LAMA1: variants seen among roughly 807,000 people sequenced by gnomAD.
LAMA1 encodes the protein laminin subunit alpha-1.
Under a neutral mutation model 348.7 loss-of-function variants are expected in LAMA1, and 219 were observed. The ratio of observed to expected loss-of-function variants is 0.63; its 90% CI spans 0.56 to 0.70. The LOEUF is 0.70. Ranked by LOEUF, LAMA1 falls within the 30% of genes least tolerant of loss-of-function variation. The pLI is 0.00. For missense variants in LAMA1, 3,744 were observed against 3,888.0 expected (o/e 0.96, Z 0.99); for synonymous variants, 1,487 against 1,491.0 (o/e 1.00, Z 0.06).
rs879338127 is a variant in LAMA1 at position 7,117,785 on chromosome 18, G to T, written c.-65C>A. 6 of 1,431,984 alleles carry T rather than the reference G, an allele frequency of 4.2e-6. No individual in the cohort carries two copies. In the South Asian group the frequency reaches 4.8e-5, roughly 12 times the overall value. 88.7% of individuals were successfully genotyped at this position (1,431,984 alleles called of 1,614,324 possible). A position where few individuals can be genotyped will look rare whatever the true frequency, so the allele number is the denominator to read the frequency against. ...CGCGCGCCCGCCTGGAACGCTCCAC[G>T]GGACGCGAGTCCGCGCTGCCCTGGC... On this transcript the variant is annotated 5_prime_UTR_variant, in exon 1 of 63. Coordinates refer to ENST00000389658, the MANE Select transcript of LAMA1 (RefSeq NM_005559.4).
chr18:6,949,426 G>A (rs554063453), intron 58 of LAMA1, among the ~76,000 whole-genome samples, 167 bp from the exon 59 acceptor site: 3 of 152,218 alleles, frequency 2.0e-5, no homozygotes, highest in East Asian at 1.9e-4. Context: ...AAAAGTGGAT[G>A]AGCCTGGCAG....
At position 6,978,220 on chromosome 18, in the gene LAMA1, G is replaced by C; in HGVS notation, c.6166C>G (p.Leu2056Val). ...CTGGCCATGGTGGAGTCCTGCAGAA[G>C]CTGGTGTGTCTCTCGTAATGTGGTG... ...VNTTLRETHQ[L>V]LQDSTMATLL... The change falls in exon 43 of 63, where the codon CTT becomes GTT. Residue 2056 changes from leucine to valine, a missense_variant. Around this residue, in one of 3 missense-constraint regions of LAMA1, gnomAD observed 1,983 missense variants for 1,934.3 expected, o/e 1.03. Transcript: ENST00000389658. The C allele has an allele frequency of 6.2e-7, 1 of 1,614,240 alleles. No homozygotes were observed. Among genetic ancestry groups the C allele is most frequent in the Non-Finnish European group, 8.5e-7 (1 of 1,180,046 alleles).
At chr18:6,978,470 A>G (rs1454997083) in intron 42 of LAMA1, 92 bp from the exon 43 acceptor site, 2 of 1,214,698 alleles carry the variant, frequency 1.6e-6, no homozygotes, top group Non-Finnish European at 2.4e-6. Context: ...GCACAGAAAT[A>G]TATTATTGTC....
chr18:7,039,778 C>T (rs904103848), intron 10 of LAMA1, among the ~76,000 whole-genome samples: 1 of 152,110 alleles, frequency 6.6e-6, no homozygotes, highest in African/African-American at 2.4e-5. Flanking sequence ...AGATGAGGCC[C>T]ACAGAGGAGG....
At chr18:6,965,547 G>A in intron 49 of LAMA1, 115 bp from the exon 50 acceptor site, 1 of 1,232,478 alleles carries the variant, frequency 8.1e-7, no homozygotes, top group African/African-American at 1.5e-5. Flanking sequence ...ACTGGATCTG[G>A]CCCCACAGCC....
intron 3 of LAMA1, among the ~76,000 whole-genome samples, chr18:7,075,304 G>T (rs146906932): frequency 8.5e-5 from 13 of 152,130 alleles, no homozygotes; most frequent in African/African-American, 2.4e-4. Flanking sequence ...AAAAGAGGAG[G>T]GGGGGGAAGT....
chr18:6,987,687 T>C (rs1003494843), intron 36 of LAMA1, among the ~76,000 whole-genome samples: 5 of 152,186 alleles, frequency 3.3e-5, no homozygotes, highest in African/African-American at 1.2e-4. Flanking sequence ...ACCCTCAGCT[T>C]TCACAGGTGT....
rs767031029 is a variant in LAMA1 at position 7,011,407 on chromosome 18, C to A, written c.3580G>T (p.Val1194Phe). 2.5e-5 allele frequency: 41 copies of A among 1,609,578 alleles called. No individual in the cohort carries two copies. Among genetic ancestry groups the A allele is most frequent in the Middle Eastern group, 1.6e-4 (1 of 6,074 alleles). The change falls in exon 25 of 63, where the codon GTT becomes TTT. Residue 1194 changes from valine (V) to phenylalanine (F), a missense_variant. Val to Phe is a conservative substitution (Grantham distance 50, BLOSUM62 -1). Transcript: ENST00000389658. ...QSNLRGTTEG[V>F]YYQAPDFLLD... ...AGGAAGTCGGGGGCCTGGTAGTAAACCCCCTCGGTCGTGCCCCTCAAGTTA... is the reference window on the plus strand; with the variant it reads ...AGGAAGTCGGGGGCCTGGTAGTAAAACCCCTCGGTCGTGCCCCTCAAGTTA...
chr18:7,083,925 T>A (rs1388347373), intron 1 of LAMA1, among the ~76,000 whole-genome samples: 1 of 151,570 alleles, frequency 6.6e-6, no homozygotes, highest in Non-Finnish European at 1.5e-5. Flanking sequence ...ACAAAAAAAA[T>A]TAGTGGGGCA....
chr18:6,974,759 C>T (rs927465381), intron 46 of LAMA1, 144 bp downstream of exon 46: 4 of 1,112,710 alleles, frequency 3.6e-6, no homozygotes, highest in Non-Finnish European at 5.3e-6. Context: ...CTTATTTCTA[C>T]AGCTAACCTA....
intron 1 of LAMA1, among the ~76,000 whole-genome samples, chr18:7,115,917 C>T (rs2058354375): frequency 6.6e-6 from 1 of 151,150 alleles, no homozygotes; most frequent in Non-Finnish European, 1.5e-5. Context: ...AGGCGGAGGT[C>T]GCAGTGAGCC....
intron 1 of LAMA1, among the ~76,000 whole-genome samples, chr18:7,103,464 A>G (rs1278567443): frequency 6.6e-6 from 1 of 151,644 alleles, no homozygotes; most frequent in Non-Finnish European, 1.5e-5. Context: ...AGTTCTATCC[A>G]TTCTCTTTCT....
chr18:7,100,479 C>A (rs940738061), intron 1 of LAMA1, among the ~76,000 whole-genome samples: 2 of 152,164 alleles, frequency 1.3e-5, no homozygotes, highest in Non-Finnish European at 2.9e-5. Context: ...GAATTTCACT[C>A]AAGAGAAATG....
chr18:7,088,483 T>C (rs1448673368), intron 1 of LAMA1, among the ~76,000 whole-genome samples: 2 of 152,126 alleles, frequency 1.3e-5, no homozygotes, highest in East Asian at 3.9e-4. Flanking sequence ...GCTTTCTTTC[T>C]AACTTTTTTT....
intron 1 of LAMA1, among the ~76,000 whole-genome samples, chr18:7,093,487 G>C: frequency 6.6e-6 from 1 of 152,094 alleles, no homozygotes; most frequent in Non-Finnish European, 1.5e-5. Context: ...AATAAAACCA[G>C]AGTAAGTTTA....
chr18:7,081,291 C>T (rs1340818315), intron 1 of LAMA1, among the ~76,000 whole-genome samples: 1 of 152,128 alleles, frequency 6.6e-6, no homozygotes, highest in Non-Finnish European at 1.5e-5. Flanking sequence ...TGATCCAATG[C>T]ATATATTTAT....
intron 3 of LAMA1, among the ~76,000 whole-genome samples, chr18:7,065,601 C>T (rs536272797): frequency 1.3e-5 from 2 of 152,096 alleles, no homozygotes; most frequent in South Asian, 2.1e-4. Flanking sequence ...GTGGCACGCA[C>T]CTGTAGTCCC....
chr18:7,057,466 C>CTTTTTTTTT (rs1171366957), intron 3 of LAMA1, among the ~76,000 whole-genome samples: 1 of 125,580 alleles, frequency 8.0e-6, no homozygotes, highest in African/African-American at 3.1e-5. Flanking sequence ...CTTTTCTTTT[C>CTTTTTTTTT]TTTTCTTTTT....
At chr18:6,959,529 A>G (rs749785907) in intron 53 of LAMA1, 37 bp from the exon 54 acceptor site, 1 of 1,610,940 alleles carries the variant, frequency 6.2e-7, no homozygotes, top group South Asian at 1.1e-5. Flanking sequence ...CAGACAAAAC[A>G]CATTACTATA....
Sources: allele counts gnomAD v4.1 joint callset (sites outside exome capture counted in the v4.1 genomes callset), GRCh38; gene constraint gnomAD v4.1.1; regional missense constraint gnomAD v4.1.1; transcripts MANE v1.5; gene names NCBI Gene and HGNC (gene_info 2026-07-23, HGNC 2026-07-21).